Variants in LRBA observed in about 807,000 individuals in gnomAD.
LRBA encodes lipopolysaccharide-responsive and beige-like anchor protein.
LRBA carries 176 observed loss-of-function variants against 330.0 expected under a neutral mutation model. That is an observed-to-expected ratio of 0.53 (90% confidence interval 0.47 to 0.60). The LOEUF is 0.60. Ranked by LOEUF, LRBA falls within the 20% of genes least tolerant of loss-of-function variation. The pLI is 0.00. For missense variants in LRBA, 3,259 were observed against 3,444.8 expected (o/e 0.95, Z 1.35); for synonymous variants, 1,230 against 1,193.0 (o/e 1.03, Z -0.64).
At chr4:150,926,945 C>G (rs1163676695) in intron 4 of LRBA, among the ~76,000 whole-genome samples, 1 of 151,890 alleles carries the variant, frequency 6.6e-6, no homozygotes, top group East Asian at 1.9e-4. Context: ...GTGGTGTGCG[C>G]CTGTAATCCC....
intron 35 of LRBA, among the ~76,000 whole-genome samples, chr4:150,750,219 C>G (rs1020950844): frequency 7.9e-5 from 12 of 152,210 alleles, no homozygotes; most frequent in Non-Finnish European, 1.8e-4. Context: ...ATTTTGATTA[C>G]TTGTTTATTA....
chr4:150,780,485 G>A (rs1361932663), intron 34 of LRBA, among the ~76,000 whole-genome samples: 2 of 151,734 alleles, frequency 1.3e-5, no homozygotes, highest in Non-Finnish European at 2.9e-5. Context: ...CCTAAAGCCA[G>A]TCATAGTATG....
chr4:150,594,313 T>TA (rs1000544182), intron 38 of LRBA, among the ~76,000 whole-genome samples: 177 of 151,512 alleles, frequency 1.2e-3, no homozygotes, highest in Middle Eastern at 0.01. Context: ...TAAAGAACCT[T>TA]AAAAAAAAAT....
intron 34 of LRBA, among the ~76,000 whole-genome samples, chr4:150,797,543 A>G (rs1486599775): frequency 1.3e-5 from 2 of 152,040 alleles, no homozygotes; most frequent in East Asian, 3.8e-4. Flanking sequence ...ATGAGGTACA[A>G]GGTTTTGGAA....
chr4:150,937,724 G>C (rs1298472989), intron 2 of LRBA, among the ~76,000 whole-genome samples: 2 of 151,952 alleles, frequency 1.3e-5, no homozygotes, highest in Non-Finnish European at 2.9e-5. Context: ...TAATGCATAA[G>C]GTTATAGAAA....
intron 40 of LRBA, among the ~76,000 whole-genome samples, chr4:150,534,777 T>C (rs541654184): frequency 6.6e-6 from 1 of 152,278 alleles, no homozygotes; most frequent in East Asian, 1.9e-4. Context: ...CAACAATTTT[T>C]GTTTCACCCT....
chr4:150,998,190 A>G (rs1214122198), intron 2 of LRBA, among the ~76,000 whole-genome samples: 3 of 151,494 alleles, frequency 2.0e-5, no homozygotes, highest in Non-Finnish European at 4.4e-5. Context: ...CGTCTCTACT[A>G]AAAAAATACA....
chr4:150,997,020 G>A (rs900123697), intron 2 of LRBA, among the ~76,000 whole-genome samples: 3 of 152,072 alleles, frequency 2.0e-5, no homozygotes, highest in African/African-American at 7.2e-5. Flanking sequence ...GGATCATAAA[G>A]CAAAGCATTA....
chr4:150,621,304 G>GT (rs2126629055), intron 37 of LRBA, among the ~76,000 whole-genome samples: 1 of 152,166 alleles, frequency 6.6e-6, no homozygotes. Flanking sequence ...ACTTTTAGGA[G>GT]TTGTATTTTT....
Position 150,831,947 on chromosome 4 carries a change from G to A in LRBA, c.4599C>T (p.Ala1533=). The change falls in exon 29 of 57, where the codon GCC becomes GCT. Residue 1533 remains alanine (A), a synonymous_variant. Transcript: ENST00000651943. ...IEDSKQAQFL[A]LAVVYFISVL... ...CAGAGATAAAGTATACTACTGCCAA[G>A]GCTAAAAATTGAGCTTGTTTGCTAT... The A allele has an allele frequency of 6.5e-7, 1 of 1,535,566 alleles. No homozygotes were observed. Among genetic ancestry groups the A allele is most frequent in the Non-Finnish European group, 8.8e-7 (1 of 1,136,288 alleles).
At chr4:151,013,468 AC>A (rs1356030957) in intron 2 of LRBA, 3 of 152,242 alleles carry the variant, frequency 2.0e-5, no homozygotes, top group Non-Finnish European at 4.4e-5. Context: ...GGAATTCAAA[AC>A]TAGCCTAGGC....
intron 33 of LRBA, among the ~76,000 whole-genome samples, chr4:150,799,139 A>G (rs528253502): frequency 1.2e-4 from 18 of 152,294 alleles, no homozygotes; most frequent in African/African-American, 4.3e-4. Flanking sequence ...AGCTTTATAA[A>G]TAGCATTCAA....
chr4:150,823,893 C>T (rs1447788372), intron 30 of LRBA, among the ~76,000 whole-genome samples: 1 of 151,994 alleles, frequency 6.6e-6, no homozygotes, highest in African/African-American at 2.4e-5. Context: ...TCTCTTTGCT[C>T]AGGATAGCTT....
intron 4 of LRBA, among the ~76,000 whole-genome samples, chr4:150,926,837 C>T (rs1021202137): frequency 1.1e-4 from 16 of 152,102 alleles, no homozygotes; most frequent in African/African-American, 3.9e-4. Context: ...CTTTGGGAGG[C>T]CAAGACGGGT....
At chr4:150,882,329 C>T (rs1728485834) in intron 17 of LRBA, among the ~76,000 whole-genome samples, 1 of 152,064 alleles carries the variant, frequency 6.6e-6, no homozygotes, top group Non-Finnish European at 1.5e-5. Flanking sequence ...TTAAATGGGC[C>T]TATTTTGCTT....
intron 47 of LRBA, among the ~76,000 whole-genome samples, chr4:150,360,137 C>A (rs1443919868): frequency 6.6e-6 from 1 of 151,778 alleles, no homozygotes; most frequent in Non-Finnish European, 1.5e-5. Context: ...TTTCTAGTAG[C>A]CACATTTTTT....
chr4:150,470,523 T>C (rs1180505271), intron 43 of LRBA, among the ~76,000 whole-genome samples: 1 of 152,128 alleles, frequency 6.6e-6, no homozygotes, highest in Non-Finnish European at 1.5e-5. Context: ...AAATCCAATG[T>C]CCTAGTTCTA....
At chr4:150,502,147 G>C (rs561828685) in intron 40 of LRBA, among the ~76,000 whole-genome samples, 1 of 152,308 alleles carries the variant, frequency 6.6e-6, no homozygotes, top group Admixed American at 6.5e-5. Flanking sequence ...AACAATGTGA[G>C]ACCAGTGAAA....
At chr4:150,622,053 G>A (rs1418855714) in intron 37 of LRBA, among the ~76,000 whole-genome samples, 1 of 152,180 alleles carries the variant, frequency 6.6e-6, no homozygotes, top group Non-Finnish European at 1.5e-5. Flanking sequence ...AAAGCAAGCA[G>A]CAGCATGTTT....
Sources: allele counts gnomAD v4.1 joint callset (sites outside exome capture counted in the v4.1 genomes callset), GRCh38; gene constraint gnomAD v4.1.1; transcripts MANE v1.5; gene names NCBI Gene and HGNC (gene_info 2026-07-23, HGNC 2026-07-21).